Variants in ZSCAN5C observed in about 807,000 individuals in gnomAD.
ZSCAN5C encodes zinc finger and SCAN domain containing 5C.
In ZSCAN5C, 11 loss-of-function variants were observed where a neutral mutation model predicts 17.3. That is an observed-to-expected ratio of 0.64 (90% CI 0.40 to 1.06). The LOEUF (loss-of-function observed/expected upper bound fraction) is 1.06, where lower values mean the gene tolerates loss of function less well. ZSCAN5C is among the 50% of genes least tolerant of loss of function. The probability of loss-of-function intolerance (pLI) is 0.00; values close to 1 mark genes in which losing one functional copy is unlikely to be tolerated. For missense variants in ZSCAN5C, 698 were observed against 538.9 expected (o/e 1.30, Z -2.92); for synonymous variants, 229 against 208.4 (o/e 1.10, Z -0.85).
At chr19:56,203,572 T>C (rs1472963815) in intron 1 of ZSCAN5C, among the ~76,000 whole-genome samples, 2 of 150,834 alleles carry the variant, frequency 1.3e-5, no homozygotes, top group African/African-American at 4.9e-5. Context: ...TAAACCTATA[T>C]CTCCCCAACC....
exon 5 of ZSCAN5C, chr19:56,208,650 G>A (rs561115748): frequency 1.9e-6 from 3 of 1,612,142 alleles, no homozygotes; most frequent in East Asian, 2.2e-5. Context: ...GAGCCTCAAG[G>A]AGAAGCCACA....
At chr19:56,202,580 G>A (rs2032883307) in intron 1 of ZSCAN5C, among the ~76,000 whole-genome samples, 1 of 151,852 alleles carries the variant, frequency 6.6e-6, no homozygotes, top group South Asian at 2.1e-4. Flanking sequence ...TTCTCATCGT[G>A]GTTAGGCTAC....
chr19:56,204,461 G>T (rs181501166), intron 1 of ZSCAN5C, among the ~76,000 whole-genome samples: 3,666 of 151,608 alleles, frequency 0.024, 34 homozygotes, highest in Middle Eastern at 0.041. Flanking sequence ...CTGATGATGA[G>T]TGATGACGAG....
chr19:56,205,601 T>C (rs2032911496), intron 1 of ZSCAN5C, among the ~76,000 whole-genome samples, 186 bp from the exon 2 acceptor site: 1 of 151,862 alleles, frequency 6.6e-6, no homozygotes, highest in African/African-American at 2.4e-5. Context: ...AGGGGAGTAT[T>C]CAGATTTTAC....
At chr19:56,204,951 T>C (rs1177464332) in intron 1 of ZSCAN5C, among the ~76,000 whole-genome samples, 1 of 151,772 alleles carries the variant, frequency 6.6e-6, no homozygotes, top group African/African-American at 2.4e-5. Flanking sequence ...ATCTTATTAT[T>C]GTATCAACCC....
intron 2 of ZSCAN5C, 35 bp downstream of exon 2, chr19:56,206,332 G>A (rs1047432094): frequency 6.9e-7 from 1 of 1,454,780 alleles, no homozygotes. Context: ...GCAGGGAAGG[G>A]GAGCTGGGAT....
intron 4 of ZSCAN5C, 45 bp from the exon 5 acceptor site, chr19:56,208,404 G>A (rs757945006): frequency 8.4e-7 from 1 of 1,187,152 alleles, no homozygotes; most frequent in East Asian, 2.3e-5. Flanking sequence ...TTGGTGTATT[G>A]AAAATGCACC....
exon 3 of ZSCAN5C, chr19:56,207,262 G>A (rs752096452): frequency 3.9e-6 from 3 of 775,104 alleles, no homozygotes; most frequent in Non-Finnish European, 7.2e-6. Flanking sequence ...TCAGGAGGCA[G>A]GTGGGTGTGT....
intron 1 of ZSCAN5C, among the ~76,000 whole-genome samples, chr19:56,203,743 G>A (rs528404075): frequency 4.7e-5 from 7 of 149,212 alleles, no homozygotes; most frequent in African/African-American, 1.3e-4. Flanking sequence ...TCTGGCTCCC[G>A]GGTTGAAGTG....
At chr19:56,208,947 C>G (rs763155291) in exon 5 of ZSCAN5C, 1 of 1,613,472 alleles carries the variant, frequency 6.2e-7, no homozygotes, top group South Asian at 1.1e-5. Flanking sequence ...AGGCCCTACA[C>G]GTGTGACATC....
intron 1 of ZSCAN5C, among the ~76,000 whole-genome samples, chr19:56,205,533 C>T (rs1289456283): frequency 2.0e-5 from 3 of 151,860 alleles, no homozygotes; most frequent in African/African-American, 4.9e-5. Context: ...CAATGTTGTT[C>T]GATGGGCAGG....
At chr19:56,203,019 G>C (rs930823812) in intron 1 of ZSCAN5C, among the ~76,000 whole-genome samples, 2 of 152,068 alleles carry the variant, frequency 1.3e-5, no homozygotes, top group East Asian at 3.9e-4. Context: ...ACTAACCCGC[G>C]TACCTGCCTT....
chr19:56,207,999 C>A, intron 3 of ZSCAN5C, 35 bp from the exon 4 acceptor site: 2 of 701,462 alleles, frequency 2.9e-6, no homozygotes, highest in East Asian at 2.7e-5. Flanking sequence ...CCGGTTTAGG[C>A]ATGGCAGTCA....
exon 5 of ZSCAN5C, chr19:56,209,024 C>T (rs768782420): frequency 6.6e-5 from 106 of 1,612,512 alleles, no homozygotes; most frequent in Non-Finnish European, 8.8e-5. Flanking sequence ...AGGGGAGAAG[C>T]CCTTCGAATG....
chr19:56,208,121 G>C (rs748831693), exon 4 of ZSCAN5C: 5 of 778,302 alleles, frequency 6.4e-6, no homozygotes, highest in South Asian at 1.3e-5. Context: ...GAAGGACCTG[G>C]AGGAAGACAG....
chr19:56,206,198 C>A (rs1285732153), exon 2 of ZSCAN5C: 3 of 1,589,894 alleles, frequency 1.9e-6, no homozygotes, highest in Non-Finnish European at 2.6e-6. Flanking sequence ...TCATGATCTC[C>A]ATGCCCCAGG....
chr19:56,208,834 GA>G lies in ZSCAN5C; in HGVS notation c.1126del (p.Arg376AspfsTer22). 1 of 1,558,002 alleles carries G rather than the reference GA, an allele frequency of 6.4e-7. No homozygotes were observed. The highest frequency in any genetic ancestry group is 8.8e-7 in the Non-Finnish European group (1 of 1,132,210). The stretch of plus-strand genomic sequence containing the variant: ...ATCGCGGCAAGTTAGCCGTCCACAC[GA>G]GATCACACACAGGCGAGAGACTCTT... On this transcript the variant is annotated frameshift_variant, in exon 5 of 5. Transcript: ENST00000534327. LOFTEE classifies it low-confidence loss of function (END_TRUNC).
At chr19:56,204,067 G>A (rs969003351) in intron 1 of ZSCAN5C, among the ~76,000 whole-genome samples, 1 of 151,836 alleles carries the variant, frequency 6.6e-6, no homozygotes, top group Admixed American at 6.5e-5. Context: ...TGTGTTACAT[G>A]AGTATATTGA....
At chr19:56,204,582 GC>G (rs1446901316) in intron 1 of ZSCAN5C, among the ~76,000 whole-genome samples, 1 of 151,720 alleles carries the variant, frequency 6.6e-6, no homozygotes, top group African/African-American at 2.4e-5. Flanking sequence ...AGTTTGAGTT[GC>G]TTATGTTTTG....
Sources: gnomAD v4.1 joint callset for allele counts (sites outside exome capture counted in the v4.1 genomes callset) on GRCh38, gnomAD v4.1.1 for gene constraint, MANE v1.5 for transcripts, NCBI Gene and HGNC (gene_info 2026-07-23, HGNC 2026-07-21) for gene names.